The following ROBO1 variants were observed in gnomAD, a reference collection of about 807,000 sequenced individuals.
ROBO1 encodes roundabout homolog 1.
A neutral mutation model predicts 195.9 loss-of-function variants in ROBO1; 149 were observed. That is an observed-to-expected ratio of 0.76 (90% confidence interval 0.67 to 0.87). The LOEUF (loss-of-function observed/expected upper bound fraction) is 0.87. Ranked by LOEUF, ROBO1 falls within the 40% of genes least tolerant of loss-of-function variation. The pLI, the probability that ROBO1 is intolerant of heterozygous loss-of-function variation, is 0.00. For synonymous variants in ROBO1, 816 were observed against 733.2 expected (o/e 1.11, Z -1.82); for missense variants, 1,933 against 2,068.3 (o/e 0.93, Z 1.27).
intron 2 of ROBO1, among the ~76,000 whole-genome samples, chr3:79,257,178 T>G (rs2082850368): frequency 6.6e-6 from 1 of 152,220 alleles, no homozygotes; most frequent in African/African-American, 2.4e-5. Flanking sequence ...TATTTAAGCA[T>G]ATCTTTAAAC....
intron 2 of ROBO1, among the ~76,000 whole-genome samples, chr3:79,308,594 T>C (rs2033334775): frequency 6.6e-6 from 1 of 152,056 alleles, no homozygotes; most frequent in Non-Finnish European, 1.5e-5. Context: ...GGTGAAAAGT[T>C]CTATTAAAAA....
chr3:79,615,045 A>G (rs2107942123), intron 1 of ROBO1, among the ~76,000 whole-genome samples: 1 of 152,280 alleles, frequency 6.6e-6, no homozygotes, highest in Non-Finnish European at 1.5e-5. Context: ...AAATAACCTG[A>G]AACAAGAGTA....
At chr3:78,640,111 G>A (rs3821597) in intron 21 of ROBO1, among the ~76,000 whole-genome samples, 7,886 of 152,018 alleles carry the variant, frequency 0.052, 276 homozygotes, top group African/African-American at 0.087. Context: ...AACTGTACAC[G>A]GGAAGAGTTA....
At chr3:79,374,645 C>T (rs906811055) in intron 2 of ROBO1, among the ~76,000 whole-genome samples, 15 of 152,052 alleles carry the variant, frequency 9.9e-5, no homozygotes, top group African/African-American at 3.4e-4. Flanking sequence ...GCCATATAAG[C>T]TGACATTTGC....
intron 3 of ROBO1, among the ~76,000 whole-genome samples, chr3:79,077,473 A>T (rs1323651703): frequency 6.6e-6 from 1 of 151,930 alleles, no homozygotes; most frequent in East Asian, 1.9e-4. Context: ...CTATGTGTGT[A>T]TATATACATA....
rs2083243339 is a variant in ROBO1 at position 78,766,931 on chromosome 3, C to A, written c.500-20031G>T. Among the ~76,000 whole-genome samples the A allele has an allele frequency of 2.0e-5, 3 of 152,258 alleles. No individual in the cohort carries two copies. In the South Asian group the frequency reaches 6.2e-4, roughly 32 times the overall value. ...ATGGTGTATCGCATTGACTGGCTTG[C>A]ATATGTTAAGCCATCCCTGCTTCCC... is the stretch of plus-strand genomic sequence containing the variant. On this transcript the variant is annotated intron_variant, in intron 4 of 30. Transcript: ENST00000464233.
intron 3 of ROBO1, among the ~76,000 whole-genome samples, chr3:79,016,698 C>T (rs1011078498): frequency 6.6e-6 from 1 of 152,110 alleles, no homozygotes; most frequent in Non-Finnish European, 1.5e-5. Flanking sequence ...ACAAACTCAA[C>T]TCAAACAGTG....
intron 2 of ROBO1, among the ~76,000 whole-genome samples, chr3:79,420,450 C>T (rs1321118022): frequency 6.6e-6 from 1 of 152,022 alleles, no homozygotes; most frequent in Non-Finnish European, 1.5e-5. Flanking sequence ...ATTTCATCAG[C>T]GTTATTTTCT....
chr3:78,940,863 C>T (rs2040092455), intron 3 of ROBO1, among the ~76,000 whole-genome samples: 1 of 152,106 alleles, frequency 6.6e-6, no homozygotes, highest in Non-Finnish European at 1.5e-5. Flanking sequence ...CTCAGTAAAC[C>T]ATGTGTTGAA....
intron 1 of ROBO1, among the ~76,000 whole-genome samples, chr3:79,632,097 A>T (rs1945361711): frequency 6.6e-6 from 1 of 152,168 alleles, no homozygotes; most frequent in Non-Finnish European, 1.5e-5. Flanking sequence ...TGAAAATAAA[A>T]CTACCATTCG....
chr3:78,620,161 T>C (rs1365128179), intron 26 of ROBO1, among the ~76,000 whole-genome samples: 1 of 152,054 alleles, frequency 6.6e-6, no homozygotes, highest in Non-Finnish European at 1.5e-5. Flanking sequence ...AGATCTCTAC[T>C]ATAGAGAGGG....
chr3:79,276,274 CAT>C (rs1313673814), intron 2 of ROBO1, among the ~76,000 whole-genome samples: 1 of 151,784 alleles, frequency 6.6e-6, no homozygotes, highest in Non-Finnish European at 1.5e-5. Context: ...TGAAAAGAGA[CAT>C]ATAAACCAAA....
rs754287957 is a variant in ROBO1, at chr3:78,657,137, C to T, written c.2575G>A (p.Gly859Arg). ...SVEVAASTGA[G>R]SGVKSEPQFI... The stretch of plus-strand genomic sequence containing the variant: ...TGAGGCTCACTCTTTACCCCAGACC[C>T]AGCCCCAGTGCTGGCTGCCACTTCC... The change falls in exon 18 of 31, where the codon GGG (glycine) becomes AGG (arginine). Residue 859 changes from glycine (G) to arginine (R), a missense_variant. By Grantham distance (125) the Gly-to-Arg change is moderately radical. Coordinates refer to ENST00000464233, the MANE Select transcript of ROBO1 (RefSeq NM_002941.4). 1.2e-6 allele frequency: 2 copies of T among 1,612,134 alleles called. No homozygotes were observed. Among genetic ancestry groups the T allele is most frequent in the South Asian group, 1.1e-5 (1 of 90,554 alleles).
chr3:78,819,806 C>T (rs1321708980), intron 4 of ROBO1, among the ~76,000 whole-genome samples: 1 of 152,062 alleles, frequency 6.6e-6, no homozygotes, highest in Non-Finnish European at 1.5e-5. Context: ...TCAGCTCTGC[C>T]ACCAACCCGA....
In ROBO1 at chr3:78,634,044, T is replaced by C; in HGVS notation, c.3374-2A>G. ...GAACTGTGTCATTTGCTCGATAATC[T>C]AGACATATCAGATGAAAAAACAATA... is the stretch of plus-strand genomic sequence containing the variant. On this transcript the variant is annotated splice_acceptor_variant, in intron 23 of 30. Coordinates refer to ENST00000464233, the MANE Select transcript of ROBO1 (RefSeq NM_002941.4). LOFTEE classifies it high-confidence loss of function. 1 of 1,577,390 alleles carries C rather than the reference T, an allele frequency of 6.3e-7. No individual in the cohort carries two copies. The highest frequency in any genetic ancestry group is 8.7e-7 in the Non-Finnish European group (1 of 1,152,220).
At chr3:78,790,122 C>T (rs763488938) in intron 4 of ROBO1, among the ~76,000 whole-genome samples, 3 of 152,142 alleles carry the variant, frequency 2.0e-5, no homozygotes, top group Non-Finnish European at 4.4e-5. Flanking sequence ...TCAGGTCTCT[C>T]TCAGATGTCT....
At chr3:78,997,669 C>T (rs2108105914) in intron 3 of ROBO1, among the ~76,000 whole-genome samples, 1 of 152,200 alleles carries the variant, frequency 6.6e-6, no homozygotes, top group African/African-American at 2.4e-5. Flanking sequence ...ACAGTAAAGA[C>T]ATGTACAGAA....
intron 2 of ROBO1, among the ~76,000 whole-genome samples, chr3:79,490,312 C>T (rs1246495162): frequency 6.6e-6 from 1 of 152,212 alleles, no homozygotes; most frequent in African/African-American, 2.4e-5. Context: ...TCCCCATGGA[C>T]TCAGCCCCTT....
At chr3:78,668,410 C>T in intron 12 of ROBO1, 74 bp downstream of exon 12, 1 of 1,583,050 alleles carries the variant, frequency 6.3e-7, no homozygotes, top group South Asian at 1.1e-5. Context: ...AGGACATTTA[C>T]TTCATCAATA....
Sources: gnomAD v4.1 joint callset for allele counts (sites outside exome capture counted in the v4.1 genomes callset) on GRCh38, gnomAD v4.1.1 for gene constraint, MANE v1.5 for transcripts, NCBI Gene and HGNC (gene_info 2026-07-23, HGNC 2026-07-21) for gene names.